The following PIEZO2 variants were observed in gnomAD, a reference collection of about 807,000 sequenced individuals.
The protein encoded by PIEZO2 is piezo type mechanosensitive ion channel component 2.
PIEZO2 carries 172 observed loss-of-function variants against 337.3 expected under a neutral mutation model. The ratio of observed to expected loss-of-function variants is 0.51; its 90% confidence interval spans 0.45 to 0.58. The LOEUF (loss-of-function observed/expected upper bound fraction) is 0.58, where lower values mean the gene tolerates loss of function less well. Ranked by LOEUF, PIEZO2 falls within the 20% of genes least tolerant of loss-of-function variation. PIEZO2 has a pLI of 0.00. For missense variants in PIEZO2, 3,028 were observed against 3,391.3 expected, an observed-to-expected ratio of 0.89 and a Z score of 2.66; for synonymous variants, 1,251 against 1,228.5, an observed-to-expected ratio of 1.02 and a Z score of -0.38.
chr18:10,794,634 T>TA lies in PIEZO2; in HGVS notation c.1758+137dup. ...CCTCTAAGCACCGCAAACTGTTTCT[T>TA]ACAGTCTCATGTTTGTTCATTTTTA... On this transcript the variant is annotated intron_variant, in intron 13 of 55. Coordinates refer to ENST00000674853, the MANE Select transcript of PIEZO2 (RefSeq NM_001378183.1). This position sits in a 1 kb window ranked among gnomAD's most constrained non-coding sequence, Gnocchi z 6.6. 1 of 709,590 alleles carries TA rather than the reference T, an allele frequency of 1.4e-6. No homozygotes were observed. 44.0% of individuals were successfully genotyped at this position (709,590 alleles called of 1,614,324 possible). A position where few individuals can be genotyped will look rare whatever the true frequency, so the allele number is the denominator to read the frequency against.
chr18:10,760,819 G>T, intron 24 of PIEZO2, 92 bp downstream of exon 24: 1 of 991,188 alleles, frequency 1.0e-6, no homozygotes, highest in Non-Finnish European at 1.5e-6. Context: ...GCCTGCAGAT[G>T]TATCACAAAG....
chr18:10,952,117 G>A lies in PIEZO2; in HGVS notation c.286+27418C>T, dbSNP rs2145319472. On this transcript the variant is annotated intron_variant, in intron 3 of 55. Transcript: ENST00000674853. This position sits in a 1 kb window ranked among gnomAD's most constrained non-coding sequence, Gnocchi z 4.1. ...TGGTACAGCAAAACCAGAATCTACTGCTCTGATCTCTCTACTCTTCAGTAG... is the reference window on the plus strand; with the variant it reads ...TGGTACAGCAAAACCAGAATCTACTACTCTGATCTCTCTACTCTTCAGTAG... Among the ~76,000 whole-genome samples, 1 of 152,226 alleles carries A rather than the reference G, an allele frequency of 6.6e-6. No homozygotes were observed. Among genetic ancestry groups the A allele is most frequent in the African/African-American group, 2.4e-5 (1 of 41,548 alleles).
rs527563950 is a variant in PIEZO2 at position 11,031,892 on chromosome 18, G to A, written c.160+34235C>T. Among the ~76,000 whole-genome samples, 216 of 152,240 alleles carry A rather than the reference G, an allele frequency of 1.4e-3. No individual in the cohort carries two copies. The highest frequency in any genetic ancestry group is 2.5e-3 in the Non-Finnish European group (168 of 68,012). ...TAATCCATTTGGCTGCTGAATATTA[G>A]CCCAACCCTTTATTCTCACCATCAC... is the stretch of plus-strand genomic sequence containing the variant. On this transcript the variant is annotated intron_variant, in intron 2 of 55. Transcript: ENST00000674853. This position sits in a 1 kb window ranked among gnomAD's most constrained non-coding sequence, Gnocchi z 4.7.
At chr18:10,681,899 G>T in intron 50 of PIEZO2, 146 bp from the exon 51 acceptor site, 1 of 851,858 alleles carries the variant, frequency 1.2e-6, no homozygotes, top group Non-Finnish European at 1.8e-6. Flanking sequence ...ATCTCTTTTT[G>T]GAGTGATTAT....
At chr18:10,947,877 T>C (rs2033106454) in intron 3 of PIEZO2, among the ~76,000 whole-genome samples, 1 of 152,070 alleles carries the variant, frequency 6.6e-6, no homozygotes, top group Non-Finnish European at 1.5e-5. Flanking sequence ...AATGAAGTGG[T>C]TTAGTATTAC....
rs764637308 is a variant in PIEZO2 at position 10,671,645 on chromosome 18, AT to A, written c.8479del (p.Ile2827PhefsTer3). ...TTCTCCTGTCTCTCGAACTAAAAAA[AT>A]ATCTGTGCACAACTTCAAAATTCGA... is the stretch of plus-strand genomic sequence containing the variant. ...VDRILKLCTD[I>X]FLVRETGELE... On this transcript the variant is annotated frameshift_variant, in exon 56 of 56. Transcript: ENST00000674853. LOFTEE classifies it high-confidence loss of function. 1.2e-6 allele frequency: 2 copies of A among 1,614,082 alleles called. No homozygotes were observed. The highest frequency in any genetic ancestry group is 1.7e-6 in the Non-Finnish European group (2 of 1,179,994).
rs1325491932 is a variant in PIEZO2 at position 10,846,130 on chromosome 18, C to A, written c.917+9223G>T. Among the ~76,000 whole-genome samples the A allele has an allele frequency of 7.2e-5, 11 of 152,172 alleles. No homozygotes were observed. Among genetic ancestry groups the A allele is most frequent in the South Asian group, 4.1e-4 (2 of 4,832 alleles). On this transcript the variant is annotated intron_variant, in intron 7 of 55. Coordinates refer to ENST00000674853, the MANE Select transcript of PIEZO2 (RefSeq NM_001378183.1). This position sits in a 1 kb window ranked among gnomAD's most constrained non-coding sequence, Gnocchi z 4.1. The stretch of plus-strand genomic sequence containing the variant: ...TTGTCACACTGCTGAAAGTGACATA[C>A]CCAAGACTTGGCAATTTACAAAAGA...
chr18:10,893,395 C>G (rs187180789), intron 4 of PIEZO2, among the ~76,000 whole-genome samples: 5 of 152,316 alleles, frequency 3.3e-5, no homozygotes, highest in Admixed American at 2.6e-4. Flanking sequence ...CTCAACCTCA[C>G]TGCTGTCCCT....
intron 35 of PIEZO2, among the ~76,000 whole-genome samples, chr18:10,734,432 C>T (rs2036914128): frequency 6.6e-6 from 1 of 152,092 alleles, no homozygotes; most frequent in Non-Finnish European, 1.5e-5. Flanking sequence ...AAATAAGACC[C>T]CAGGGTAAAA....
intron 3 of PIEZO2, among the ~76,000 whole-genome samples, chr18:10,925,663 T>G (rs778706261): frequency 6.6e-6 from 1 of 152,148 alleles, no homozygotes; most frequent in Non-Finnish European, 1.5e-5. Context: ...CACTGTAAGC[T>G]CTGCCTCCCG....
Position 10,876,500 on chromosome 18 carries a change from A to G in PIEZO2, c.330-5085T>C, listed in dbSNP as rs55678624. Reference sequence around the variant, plus strand: ...TACTAATGTACATAATTATACACCTACCTTCTCTATACATTTAGTTTTTAA... The same window carrying G: ...TACTAATGTACATAATTATACACCTGCCTTCTCTATACATTTAGTTTTTAA... On this transcript the variant is annotated intron_variant, in intron 4 of 55. Coordinates refer to ENST00000674853, the MANE Select transcript of PIEZO2 (RefSeq NM_001378183.1). Among the ~76,000 whole-genome samples the G allele has an allele frequency of 7.1e-3, 1,082 of 152,268 alleles. 17 individuals carry two copies. The highest frequency in any genetic ancestry group is 0.02 in the African/African-American group (840 of 41,558).
chr18:10,713,934 G>T lies in PIEZO2; in HGVS notation c.5423+830C>A, dbSNP rs1567976184. ...GCTATCTAGAACACTGTGATGCAAAGAATTCTGAGGCTTTTCTGGGACAGG... is the reference window on the plus strand; with the variant it reads ...GCTATCTAGAACACTGTGATGCAAATAATTCTGAGGCTTTTCTGGGACAGG... On this transcript the variant is annotated intron_variant, in intron 39 of 55. Coordinates refer to ENST00000674853, the MANE Select transcript of PIEZO2 (RefSeq NM_001378183.1). This position sits in a 1 kb window ranked among gnomAD's most constrained non-coding sequence, Gnocchi z 4.5. Among the ~76,000 whole-genome samples the T allele has an allele frequency of 6.6e-6, 1 of 152,114 alleles. No individual in the cohort carries two copies. Among genetic ancestry groups the T allele is most frequent in the African/African-American group, 2.4e-5 (1 of 41,422 alleles).
chr18:10,963,216 T>C (rs1177405525), intron 3 of PIEZO2, among the ~76,000 whole-genome samples: 1 of 151,242 alleles, frequency 6.6e-6, no homozygotes, highest in Admixed American at 6.6e-5. Context: ...ACCTGGGAGG[T>C]GGAGGTTGCA....
At chr18:10,710,105 G>A (rs2035758045) in intron 39 of PIEZO2, among the ~76,000 whole-genome samples, 1 of 152,212 alleles carries the variant, frequency 6.6e-6, no homozygotes, top group Non-Finnish European at 1.5e-5. Flanking sequence ...AATATTTGCA[G>A]AGATGCAACC....
rs1467528370 is a variant in PIEZO2 at position 10,855,327 on chromosome 18, G to A, written c.917+26C>T. 3 of 1,509,080 alleles carry A rather than the reference G, an allele frequency of 2.0e-6. No individual in the cohort carries two copies. The African/African-American group carries it at 4.1e-5, about 21-fold the overall frequency. The allele number at this position is 1,509,080 out of a possible 1,614,324, so 93.5% of individuals were successfully genotyped here. On this transcript the variant is annotated intron_variant, in intron 7 of 55. Coordinates refer to ENST00000674853, the MANE Select transcript of PIEZO2 (RefSeq NM_001378183.1). This position sits in a 1 kb window ranked among gnomAD's most constrained non-coding sequence, Gnocchi z 4.9. ...AAGGCGTGGGGGGACAACCTCTCCT[G>A]GAAATGCCATAAGGATTTCTCTTAC...
chr18:10,761,892 A>G (rs935771372), intron 23 of PIEZO2, among the ~76,000 whole-genome samples: 24 of 152,200 alleles, frequency 1.6e-4, no homozygotes, highest in African/African-American at 5.8e-4. Context: ...ACAAAAATAA[A>G]ATGTGAAAAA....
intron 4 of PIEZO2, among the ~76,000 whole-genome samples, chr18:10,875,039 A>G (rs1481674280): frequency 6.6e-6 from 1 of 152,184 alleles, no homozygotes; most frequent in African/African-American, 2.4e-5. Flanking sequence ...TGATCACTTT[A>G]TATTGTATGA....
intron 3 of PIEZO2, among the ~76,000 whole-genome samples, chr18:10,931,161 T>A (rs904554528): frequency 5.9e-5 from 9 of 152,244 alleles, no homozygotes; most frequent in Admixed American, 4.6e-4. Context: ...CATCCAGCTA[T>A]CTAAATATAT....
At chr18:11,054,138 C>G (rs921159937) in intron 2 of PIEZO2, among the ~76,000 whole-genome samples, 16 of 152,186 alleles carry the variant, frequency 1.1e-4, no homozygotes, top group African/African-American at 3.9e-4. Flanking sequence ...CAATCTCAAT[C>G]CTAATGGAAG....
Sources: allele counts gnomAD v4.1 joint callset (sites outside exome capture counted in the v4.1 genomes callset), GRCh38; gene constraint gnomAD v4.1.1; non-coding constraint Gnocchi (gnomAD v3.1); transcripts MANE v1.5; gene names NCBI Gene and HGNC (gene_info 2026-07-23, HGNC 2026-07-21).